CTNNA3: variants seen among roughly 807,000 people sequenced by gnomAD.
CTNNA3 encodes the protein catenin alpha 3, also known as catenin alpha-3.
CTNNA3 carries 76 observed loss-of-function variants against 95.7 expected under a neutral mutation model. The observed-to-expected ratio is 0.79, with a 90% CI of 0.66 to 0.96. The LOEUF (loss-of-function observed/expected upper bound fraction) is 0.96. Among genes scored for constraint, CTNNA3 ranks in the 40% least tolerant of loss-of-function variants. CTNNA3 has a pLI of 0.00. For missense variants in CTNNA3, 1,191 were observed against 1,089.8 expected, an observed-to-expected ratio of 1.09 and a Z score of -1.31; for synonymous variants, 431 against 374.4, an observed-to-expected ratio of 1.15 and a Z score of -1.74.
chr10:65,960,204 T>C (rs1316737537), intron 17 of CTNNA3, among the ~76,000 whole-genome samples: 2 of 152,180 alleles, frequency 1.3e-5, no homozygotes. Flanking sequence ...CTATCTTTTT[T>C]TAAGTTAGAC....
At chr10:67,480,380 A>G (rs1053402227) in intron 5 of CTNNA3, among the ~76,000 whole-genome samples, 4 of 152,216 alleles carry the variant, frequency 2.6e-5, no homozygotes, top group African/African-American at 9.6e-5. Flanking sequence ...GCCTGGCCAT[A>G]AACAGGCCAT....
chr10:67,726,273 T>TATAATATTTTATTAC (rs376509155), intron 1 of CTNNA3, among the ~76,000 whole-genome samples: 1 of 98,176 alleles, frequency 1.0e-5, no homozygotes, highest in African/African-American at 4.4e-5. Flanking sequence ...ACATATTATA[T>TATAATATTTTATTAC]ATATTATATT....
At chr10:67,160,252 G>T (rs1363442919) in intron 7 of CTNNA3, among the ~76,000 whole-genome samples, 2 of 152,064 alleles carry the variant, frequency 1.3e-5, no homozygotes, top group African/African-American at 2.4e-5. Context: ...GAAAAGGAAT[G>T]CTTGTACACT....
At chr10:67,739,986 C>T (rs1841325977) in intron 1 of CTNNA3, among the ~76,000 whole-genome samples, 1 of 152,120 alleles carries the variant, frequency 6.6e-6, no homozygotes, top group African/African-American at 2.4e-5. Flanking sequence ...CAGAACAGAG[C>T]CCTCAGAAAT....
At chr10:67,071,723 C>T (rs1446415831) in intron 7 of CTNNA3, among the ~76,000 whole-genome samples, 1 of 152,076 alleles carries the variant, frequency 6.6e-6, no homozygotes, top group Admixed American at 6.5e-5. Flanking sequence ...CTCTCCTCTC[C>T]TTTGGGACTT....
intron 17 of CTNNA3, among the ~76,000 whole-genome samples, chr10:65,923,050 C>T (rs978865231): frequency 2.0e-5 from 3 of 152,158 alleles, no homozygotes; most frequent in African/African-American, 7.2e-5. Context: ...CTCCCTCCCT[C>T]AATATGTGGG....
chr10:67,563,736 C>A (rs1399148916), intron 3 of CTNNA3, among the ~76,000 whole-genome samples: 1 of 152,080 alleles, frequency 6.6e-6, no homozygotes, highest in East Asian at 1.9e-4. Context: ...TTTTTTCAAT[C>A]TACCCATCTG....
chr10:67,637,469 A>G (rs961876907), intron 2 of CTNNA3, among the ~76,000 whole-genome samples: 4 of 152,226 alleles, frequency 2.6e-5, no homozygotes, highest in Non-Finnish European at 4.4e-5. Flanking sequence ...AACTTCCCCA[A>G]TCTAGCAAGG....
At chr10:66,463,013 G>A (rs1187839698) in intron 11 of CTNNA3, among the ~76,000 whole-genome samples, 1 of 152,088 alleles carries the variant, frequency 6.6e-6, no homozygotes, top group Admixed American at 6.6e-5. Context: ...TTATTAAATT[G>A]ATATTTCCTA....
At chr10:66,331,357 T>C (rs1564873404) in intron 12 of CTNNA3, among the ~76,000 whole-genome samples, 2 of 128,048 alleles carry the variant, frequency 1.6e-5, no homozygotes, top group African/African-American at 6.1e-5. Flanking sequence ...TTTTTTTTTT[T>C]TTTTTTTTTT....
At position 67,564,677 on chromosome 10, in the gene CTNNA3, G is replaced by GTATATATATAAATATATATA. The variant is rs1554854251; in HGVS notation, c.293-25009_293-25008insTATATATATTTATATATATA. ...TATATGCATATATGTGTGTGTGTGTGTATATATATATATATATATATATAT... is the reference window on the plus strand; with the variant it reads ...TATATGCATATATGTGTGTGTGTGTGTATATATATAAATATATATATATATATATATATATATATATATAT... On this transcript the variant is annotated intron_variant, in intron 3 of 17. Coordinates refer to ENST00000433211, the MANE Select transcript of CTNNA3 (RefSeq NM_013266.4). Among the ~76,000 whole-genome samples, 31 of 61,310 alleles carry GTATATATATAAATATATATA rather than the reference G, an allele frequency of 5.1e-4. 3 individuals are homozygous for GTATATATATAAATATATATA. The highest frequency in any genetic ancestry group is 6.9e-4 in the Non-Finnish European group (22 of 32,062). 40.2% of individuals were successfully genotyped at this position (61,310 alleles called of 152,430 possible).
intron 7 of CTNNA3, among the ~76,000 whole-genome samples, chr10:67,096,175 A>G (rs2131928049): frequency 6.6e-6 from 1 of 151,994 alleles, no homozygotes; most frequent in Middle Eastern, 3.4e-3. Context: ...TTATAAGCAA[A>G]TAATCTTAAA....
At chr10:67,500,528 T>C (rs902828806) in intron 5 of CTNNA3, among the ~76,000 whole-genome samples, 7 of 152,202 alleles carry the variant, frequency 4.6e-5, no homozygotes, top group African/African-American at 1.7e-4. Context: ...CAGTGGGGTG[T>C]TAAAGTCTCC....
chr10:65,930,256 G>C (rs1351845531), intron 17 of CTNNA3, among the ~76,000 whole-genome samples: 4 of 144,826 alleles, frequency 2.8e-5, no homozygotes, highest in Non-Finnish European at 4.5e-5. Flanking sequence ...TTCAAACATG[G>C]AATTTAACAC....
chr10:65,998,014 CA>C (rs199830685), intron 15 of CTNNA3, among the ~76,000 whole-genome samples: 3 of 150,362 alleles, frequency 2.0e-5, no homozygotes, highest in South Asian at 2.1e-4. Flanking sequence ...AACTCTGTCT[CA>C]AAAAAAACAA....
At chr10:66,860,103 A>C (rs1436295090) in intron 7 of CTNNA3, among the ~76,000 whole-genome samples, 2 of 150,306 alleles carry the variant, frequency 1.3e-5, no homozygotes, top group African/African-American at 4.9e-5. Context: ...CCAGCATGGC[A>C]CATGTATACA....
At chr10:66,073,203 A>G (rs2080477455) in intron 14 of CTNNA3, among the ~76,000 whole-genome samples, 1 of 152,174 alleles carries the variant, frequency 6.6e-6, no homozygotes, top group Non-Finnish European at 1.5e-5. Context: ...CAAGAAATCT[A>G]TTATACAACA....
chr10:67,192,651 T>C (rs1168484684), intron 6 of CTNNA3, among the ~76,000 whole-genome samples: 1 of 151,884 alleles, frequency 6.6e-6, no homozygotes, highest in African/African-American at 2.4e-5. Flanking sequence ...ACACTGCTGG[T>C]GGGAATGTAA....
intron 7 of CTNNA3, among the ~76,000 whole-genome samples, chr10:66,977,962 A>C (rs943064918): frequency 2.0e-5 from 3 of 152,148 alleles, no homozygotes; most frequent in Non-Finnish European, 4.4e-5. Flanking sequence ...ACACTTAGTC[A>C]AACTTTTATT....
Sources: gnomAD v4.1 joint callset for allele counts (sites outside exome capture counted in the v4.1 genomes callset) on GRCh38, gnomAD v4.1.1 for gene constraint, MANE v1.5 for transcripts, NCBI Gene and HGNC (gene_info 2026-07-23, HGNC 2026-07-21) for gene names.